Variants in CTNNA2 observed in about 807,000 individuals in gnomAD.
CTNNA2 encodes the protein catenin alpha-2.
CTNNA2 carries 42 observed loss-of-function variants against 101.0 expected under a neutral mutation model. The ratio of observed to expected loss-of-function variants is 0.42; its 90% CI spans 0.32 to 0.54. CTNNA2 has a LOEUF of 0.54. CTNNA2 is among the 20% of genes least tolerant of loss of function. The pLI is 0.14. For synonymous variants in CTNNA2, 450 were observed against 456.4 expected, an observed-to-expected ratio of 0.99 and a Z score of 0.18; for missense variants, 871 against 1,223.1, an observed-to-expected ratio of 0.71 and a Z score of 4.29.
At chr2:80,065,044 T>C (rs996052626) in intron 7 of CTNNA2, among the ~76,000 whole-genome samples, 7 of 152,198 alleles carry the variant, frequency 4.6e-5, no homozygotes, top group Non-Finnish European at 1.0e-4. Flanking sequence ...GTAAAAACCC[T>C]TTTGCTGACT....
chr2:79,846,723 G>C (rs1680257431), intron 3 of CTNNA2, among the ~76,000 whole-genome samples: 1 of 152,184 alleles, frequency 6.6e-6, no homozygotes, highest in African/African-American at 2.4e-5. Context: ...ATTTGAGCTT[G>C]AGAAAGCCAT....
chr2:79,671,309 C>T (rs530645235), intron 2 of CTNNA2, among the ~76,000 whole-genome samples: 2 of 152,240 alleles, frequency 1.3e-5, no homozygotes, highest in Non-Finnish European at 2.9e-5. Context: ...GATAAGTGAT[C>T]GCATTAGAGC....
At chr2:79,593,188 G>C (rs1309470083) in intron 1 of CTNNA2, among the ~76,000 whole-genome samples, 1 of 152,088 alleles carries the variant, frequency 6.6e-6, no homozygotes, top group Non-Finnish European at 1.5e-5. Context: ...ATCCTGCCTG[G>C]ACATCATAGT....
chr2:79,308,569 G>A (rs1676298030), intron 2 of CTNNA2, among the ~76,000 whole-genome samples: 1 of 151,942 alleles, frequency 6.6e-6, no homozygotes, highest in Non-Finnish European at 1.5e-5. Context: ...TATTCATAAA[G>A]CCTTTTTTCA....
rs143314831 is a variant in CTNNA2, at chr2:79,878,114, G to T, written c.852+3772G>T. 9.7e-3 allele frequency among the ~76,000 whole-genome samples: 1,483 copies of T among 152,224 alleles called. 31 individuals carry two copies. The highest frequency in any genetic ancestry group is 0.034 in the African/African-American group (1,423 of 41,542). On this transcript the variant is annotated intron_variant, in intron 6 of 18. Transcript: ENST00000402739. ...AGTTTGCTGAGGATGATGGCTTCCA[G>T]CTTCATCCACGTCCCTGCAAAGGAC...
intron 18 of CTNNA2, among the ~76,000 whole-genome samples, chr2:80,631,070 A>C (rs1018335901): frequency 6.6e-6 from 1 of 152,224 alleles, no homozygotes; most frequent in African/African-American, 2.4e-5. Flanking sequence ...AGGAATAATG[A>C]TGCAACCTTT....
chr2:80,067,745 G>A (rs1698078225), intron 7 of CTNNA2, among the ~76,000 whole-genome samples: 1 of 152,124 alleles, frequency 6.6e-6, no homozygotes, highest in South Asian at 2.1e-4. Context: ...CTACTCTTCT[G>A]GATCCCTCAC....
At chr2:79,870,073 T>C in intron 5 of CTNNA2, 138 bp downstream of exon 5, 1 of 1,142,768 alleles carries the variant, frequency 8.8e-7, no homozygotes, top group East Asian at 2.5e-5. Flanking sequence ...CAAAGGTTGC[T>C]TCCTGCAGGG....
At chr2:79,905,935 T>A (rs1372193208) in intron 6 of CTNNA2, among the ~76,000 whole-genome samples, 1 of 152,210 alleles carries the variant, frequency 6.6e-6, no homozygotes, top group African/African-American at 2.4e-5. Context: ...TTTTTATTTG[T>A]AGGAACTATA....
intron 6 of CTNNA2, among the ~76,000 whole-genome samples, chr2:79,905,534 C>T (rs1020667689): frequency 2.0e-5 from 3 of 152,196 alleles, no homozygotes; most frequent in African/African-American, 7.2e-5. Flanking sequence ...CATCCTTTCA[C>T]TCTTTGGTGT....
chr2:80,073,800 T>G (rs930284490), intron 7 of CTNNA2, among the ~76,000 whole-genome samples: 10 of 151,694 alleles, frequency 6.6e-5, no homozygotes, highest in Non-Finnish European at 7.4e-5. Context: ...ATCACATATG[T>G]TGTTTTATAA....
chr2:79,769,981 T>C (rs961728418), intron 3 of CTNNA2, among the ~76,000 whole-genome samples: 4 of 152,204 alleles, frequency 2.6e-5, no homozygotes, highest in Non-Finnish European at 4.4e-5. Context: ...TTAAAATTCA[T>C]TTAATTTTAC....
At chr2:79,756,649 A>C (rs1447748344) in intron 3 of CTNNA2, among the ~76,000 whole-genome samples, 1 of 152,226 alleles carries the variant, frequency 6.6e-6, no homozygotes. Context: ...CATAAACTGC[A>C]AGAAAAAACT....
At chr2:79,520,526 G>T (rs1259096930) in intron 1 of CTNNA2, among the ~76,000 whole-genome samples, 1 of 152,116 alleles carries the variant, frequency 6.6e-6, no homozygotes, top group Non-Finnish European at 1.5e-5. Flanking sequence ...CAAAGTTAAA[G>T]AAAGAAGTTT....
At chr2:79,402,584 C>A (rs1164771957) in intron 4 of CTNNA2, among the ~76,000 whole-genome samples, 1 of 151,536 alleles carries the variant, frequency 6.6e-6, no homozygotes, top group Non-Finnish European at 1.5e-5. Context: ...TAAATATGGT[C>A]TCTCTCTCTG....
intron 9 of CTNNA2, among the ~76,000 whole-genome samples, chr2:80,481,028 A>T (rs1242869413): frequency 6.6e-6 from 1 of 152,148 alleles, no homozygotes; most frequent in African/African-American, 2.4e-5. Context: ...GCAAAATGCA[A>T]TGTCCATCCA....
At chr2:79,206,528 C>A (rs1163426264) in intron 2 of CTNNA2, among the ~76,000 whole-genome samples, 1 of 152,142 alleles carries the variant, frequency 6.6e-6, no homozygotes, top group Non-Finnish European at 1.5e-5. Flanking sequence ...CTAAACCTTC[C>A]TATTCTTCTC....
chr2:79,748,431 A>G (rs1422998134), intron 3 of CTNNA2, among the ~76,000 whole-genome samples: 1 of 152,250 alleles, frequency 6.6e-6, no homozygotes, highest in African/African-American at 2.4e-5. Context: ...TACCTCCAGC[A>G]TCCATACATG....
At chr2:79,682,436 G>T (rs201565515) in intron 2 of CTNNA2, among the ~76,000 whole-genome samples, 15 of 134,790 alleles carry the variant, frequency 1.1e-4, no homozygotes, top group South Asian at 4.9e-4. Context: ...AAAAAAAGAA[G>T]AAAGAAAAAT....
Sources: allele counts gnomAD v4.1 joint callset (sites outside exome capture counted in the v4.1 genomes callset), GRCh38; gene constraint gnomAD v4.1.1; transcripts MANE v1.5; gene names NCBI Gene and HGNC (gene_info 2026-07-23, HGNC 2026-07-21).